The following PACS1 variants were observed in gnomAD, a reference collection of about 807,000 sequenced individuals.
The protein encoded by PACS1 is phosphofurin acidic cluster sorting protein 1.
PACS1 carries 24 observed loss-of-function variants against 115.0 expected under a neutral mutation model. The observed-to-expected ratio is 0.21, with a 90% CI of 0.15 to 0.29. The LOEUF (loss-of-function observed/expected upper bound fraction) is 0.29. PACS1 is among the 10% of genes least tolerant of loss of function. The probability of loss-of-function intolerance (pLI) is 1.00; values close to 1 mark genes in which losing one functional copy is unlikely to be tolerated. For synonymous variants in PACS1, 453 were observed against 504.5 expected, an observed-to-expected ratio of 0.90 and a Z score of 1.37; for missense variants, 838 against 1,251.2, an observed-to-expected ratio of 0.67 and a Z score of 4.98.
chr11:66,186,849 T>C (rs577528836), intron 1 of PACS1, among the ~76,000 whole-genome samples: 1 of 123,974 alleles, frequency 8.1e-6, no homozygotes, highest in South Asian at 2.4e-4. Flanking sequence ...TGCTGGTGTG[T>C]AGGCCCGTAA....
chr11:66,206,723 T>G (rs565812201), intron 2 of PACS1, among the ~76,000 whole-genome samples: 1 of 152,308 alleles, frequency 6.6e-6, no homozygotes, highest in South Asian at 2.1e-4. Flanking sequence ...ACGGATTCCC[T>G]ACGGTGGTCA....
At chr11:66,120,477 T>C (rs999950668) in intron 1 of PACS1, among the ~76,000 whole-genome samples, 8 of 152,204 alleles carry the variant, frequency 5.3e-5, no homozygotes, top group Non-Finnish European at 1.2e-4. Flanking sequence ...ATGAAAGAGA[T>C]ATGACGTTCC....
At chr11:66,222,085 C>T (rs1481798573) in intron 10 of PACS1, among the ~76,000 whole-genome samples, 1 of 152,234 alleles carries the variant, frequency 6.6e-6, no homozygotes, top group African/African-American at 2.4e-5. Flanking sequence ...CACTGCTCTC[C>T]AGCCTAGGTG....
At chr11:66,116,348 G>C (rs1858306137) in intron 1 of PACS1, among the ~76,000 whole-genome samples, 1 of 152,170 alleles carries the variant, frequency 6.6e-6, no homozygotes, top group Non-Finnish European at 1.5e-5. Context: ...GAATGAGACT[G>C]TCTACAAAAG....
At chr11:66,140,316 C>T (rs1011937682) in intron 1 of PACS1, among the ~76,000 whole-genome samples, 1 of 152,124 alleles carries the variant, frequency 6.6e-6, no homozygotes, top group Non-Finnish European at 1.5e-5. Context: ...GAACTTTTTC[C>T]TAACATATGA....
chr11:66,178,741 A>T lies in PACS1; in HGVS notation c.357-14745A>T, dbSNP rs549396199. ...TTCAGATCTCTTTACTGTGTGGCTT[A>T]ATAGAAAATAGCTAAGTTCTCACAT... On this transcript the variant is annotated intron_variant, in intron 1 of 23. Transcript: ENST00000320580. Among the ~76,000 whole-genome samples the T allele has an allele frequency of 6.6e-5, 10 of 152,332 alleles. No homozygotes were observed. The East Asian group carries it at 1.9e-3, about 29-fold the overall frequency.
chr11:66,122,113 G>T (rs1369639810), intron 1 of PACS1, among the ~76,000 whole-genome samples: 1 of 152,192 alleles, frequency 6.6e-6, no homozygotes, highest in Non-Finnish European at 1.5e-5. Context: ...ACTTTAAGTT[G>T]AAGCCAATGC....
At position 66,195,515 on chromosome 11, in the gene PACS1, A is replaced by G. The variant is rs182716634; in HGVS notation, c.444+1942A>G. Among the ~76,000 whole-genome samples, 44 of 152,322 alleles carry G rather than the reference A, an allele frequency of 2.9e-4. No individual in the cohort carries two copies. In the East Asian group the frequency reaches 8.3e-3, roughly 29 times the overall value. On this transcript the variant is annotated intron_variant, in intron 2 of 23. Coordinates refer to ENST00000320580, the MANE Select transcript of PACS1 (RefSeq NM_018026.4). ...CCGACACCATTGGGGTGGTTTTGAA[A>G]GTTCCCCACTGCGTTTGCCATCCCT...
At chr11:66,128,110 G>A (rs1858620763) in intron 1 of PACS1, among the ~76,000 whole-genome samples, 1 of 152,148 alleles carries the variant, frequency 6.6e-6, no homozygotes. Context: ...TAGATAAAAA[G>A]AGATTGAAGA....
At chr11:66,114,045 CAT>C (rs1406319972) in intron 1 of PACS1, among the ~76,000 whole-genome samples, 2 of 152,048 alleles carry the variant, frequency 1.3e-5, no homozygotes, top group African/African-American at 2.4e-5. Flanking sequence ...TGACATAGGA[CAT>C]GTGTACAGAT....
In PACS1 at chr11:66,210,448, T is replaced by C; in HGVS notation, c.531T>C (p.Leu177=). 6.2e-7 allele frequency: 1 copy of C among 1,606,122 alleles called. No homozygotes were observed. Among genetic ancestry groups the C allele is most frequent in the Non-Finnish European group, 8.5e-7 (1 of 1,172,692 alleles). The change falls in exon 3 of 24, where the codon CTT becomes CTC. Residue 177 remains leucine, a synonymous_variant. Coordinates refer to ENST00000320580, the MANE Select transcript of PACS1 (RefSeq NM_018026.4). ...VETELQLTFS[L]QYPHFLKRDA... The stretch of plus-strand genomic sequence containing the variant: ...CAGAGCTCCAATTAACCTTCTCCCT[T>C]CAGGTGAGACTCTCCTAATCTTAGG...
intron 1 of PACS1, among the ~76,000 whole-genome samples, chr11:66,148,888 TG>T: frequency 6.6e-6 from 1 of 152,198 alleles, no homozygotes; most frequent in South Asian, 2.1e-4. Context: ...ATTGCACCAC[TG>T]CACTTCAGCC....
chr11:66,241,698 C>T (rs917079834), intron 22 of PACS1, 45 bp downstream of exon 22: 3 of 1,448,112 alleles, frequency 2.1e-6, no homozygotes, highest in Admixed American at 3.5e-5. Context: ...CACCAGGCCT[C>T]CCGTCTCGTC....
intron 1 of PACS1, among the ~76,000 whole-genome samples, chr11:66,169,405 C>CA (rs1565132226): frequency 7.0e-6 from 1 of 143,864 alleles, no homozygotes; most frequent in Non-Finnish European, 1.5e-5. Context: ...TGGTTCATTA[C>CA]TTTTTTTTTT....
intron 1 of PACS1, among the ~76,000 whole-genome samples, chr11:66,116,212 C>G (rs1858303841): frequency 6.6e-6 from 1 of 152,116 alleles, no homozygotes; most frequent in Admixed American, 6.5e-5. Context: ...GCTCCAGGGG[C>G]AAAGGGCAGA....
intron 1 of PACS1, among the ~76,000 whole-genome samples, chr11:66,086,419 T>C (rs1857570935): frequency 6.6e-6 from 1 of 152,090 alleles, no homozygotes; most frequent in Admixed American, 6.5e-5. Flanking sequence ...ATTACAGGCG[T>C]GAGCCACCGC....
At chr11:66,203,100 A>G (rs1854854475) in intron 2 of PACS1, among the ~76,000 whole-genome samples, 1 of 152,152 alleles carries the variant, frequency 6.6e-6, no homozygotes, top group Admixed American at 6.6e-5. Context: ...ATGCTCTTCT[A>G]TGTGGAAAAA....
chr11:66,144,047 C>T (rs960042399), intron 1 of PACS1, among the ~76,000 whole-genome samples: 10 of 152,168 alleles, frequency 6.6e-5, no homozygotes, highest in South Asian at 2.1e-4. Flanking sequence ...ACAAACTTAA[C>T]GGTGTCAACA....
intron 1 of PACS1, among the ~76,000 whole-genome samples, chr11:66,142,472 A>G (rs1468246629): frequency 6.6e-6 from 1 of 151,614 alleles, no homozygotes; most frequent in Non-Finnish European, 1.5e-5. Flanking sequence ...CGCCCAGCTA[A>G]TTTTTTGTAT....
Sources: allele counts gnomAD v4.1 joint callset (sites outside exome capture counted in the v4.1 genomes callset), GRCh38; gene constraint gnomAD v4.1.1; transcripts MANE v1.5; gene names NCBI Gene and HGNC (gene_info 2026-07-23, HGNC 2026-07-21).